Variants in RGS6 observed in about 807,000 individuals in gnomAD.
RGS6 encodes the protein regulator of G-protein signaling 6.
RGS6 carries 30 observed loss-of-function variants against 78.5 expected under a neutral mutation model. The observed-to-expected ratio is 0.38, with a 90% CI of 0.29 to 0.52. The LOEUF is 0.52. Ranked by LOEUF, RGS6 falls within the 20% of genes least tolerant of loss-of-function variation. The pLI is 0.85. For synonymous variants in RGS6, 206 were observed against 206.0 expected, an observed-to-expected ratio of 1.00 and a Z score of 0.00; for missense variants, 495 against 609.7, an observed-to-expected ratio of 0.81 and a Z score of 1.98.
At chr14:71,963,019 G>A (rs117877200) in intron 1 of RGS6, among the ~76,000 whole-genome samples, 1 of 152,298 alleles carries the variant, frequency 6.6e-6, no homozygotes, top group East Asian at 1.9e-4. Context: ...CATTTGTATA[G>A]GACTTTTATG....
At chr14:72,327,318 C>T (rs1401785907) in intron 2 of RGS6, among the ~76,000 whole-genome samples, 2 of 152,136 alleles carry the variant, frequency 1.3e-5, no homozygotes, top group African/African-American at 2.4e-5. Flanking sequence ...ACTCCCCCAT[C>T]CCAGGGTGTG....
At chr14:72,413,956 T>A (rs567930969) in intron 3 of RGS6, among the ~76,000 whole-genome samples, 1 of 152,350 alleles carries the variant, frequency 6.6e-6, no homozygotes, top group South Asian at 2.1e-4. Flanking sequence ...TCTGATGGGC[T>A]TTCCTTTGTG....
the RGS6 span, among the ~76,000 whole-genome samples, chr14:71,900,943 C>A: frequency 1.3e-5 from 2 of 152,062 alleles, no homozygotes; most frequent in African/African-American, 2.4e-5. Flanking sequence ...AGATCCTAGA[C>A]TCTTAACAAC....
chr14:72,568,125 C>T (rs1334631709), downstream of RGS6, among the ~76,000 whole-genome samples: 2 of 152,184 alleles, frequency 1.3e-5, no homozygotes, highest in Non-Finnish European at 2.9e-5. Context: ...CCTCAGAGCC[C>T]TGAGGTGTCT....
chr14:72,043,993 C>T (rs1017665399), intron 2 of RGS6, among the ~76,000 whole-genome samples: 8 of 152,248 alleles, frequency 5.3e-5, no homozygotes, highest in African/African-American at 1.7e-4. Flanking sequence ...GCCCACCTCC[C>T]ACTCTGTTTT....
At chr14:72,311,008 C>T (rs1353521963) in intron 2 of RGS6, among the ~76,000 whole-genome samples, 7 of 152,324 alleles carry the variant, frequency 4.6e-5, no homozygotes, top group Admixed American at 1.3e-4. Flanking sequence ...GTGTTCCAGC[C>T]ACCTGGCAAC....
At chr14:72,592,161 C>T in the RGS6 span, among the ~76,000 whole-genome samples, 1 of 152,090 alleles carries the variant, frequency 6.6e-6, no homozygotes, top group Non-Finnish European at 1.5e-5. Flanking sequence ...AAAGAGCACC[C>T]TGAGATCCTC....
chr14:72,328,389 T>G (rs776597674), intron 2 of RGS6, among the ~76,000 whole-genome samples: 1 of 152,160 alleles, frequency 6.6e-6, no homozygotes, highest in Non-Finnish European at 1.5e-5. Flanking sequence ...CAGTACATAA[T>G]AAGCACTCAA....
chr14:72,284,627 A>G (rs1365045763), intron 2 of RGS6, among the ~76,000 whole-genome samples: 3 of 152,232 alleles, frequency 2.0e-5, no homozygotes, highest in African/African-American at 7.2e-5. Flanking sequence ...ACCCTTTGCT[A>G]GGGCAGTGCA....
chr14:72,535,518 G>T (rs1367184620), intron 15 of RGS6, among the ~76,000 whole-genome samples: 1 of 152,174 alleles, frequency 6.6e-6, no homozygotes, highest in Non-Finnish European at 1.5e-5. Context: ...CCATGATACT[G>T]ACATGGCTAC....
intron 17 of RGS6, chr14:72,550,663 G>A: frequency 6.7e-7 from 1 of 1,483,368 alleles, no homozygotes; most frequent in Non-Finnish European, 8.9e-7. Context: ...ATAATTAAAG[G>A]AGTCAATCAA....
chr14:72,211,266 G>T (rs926711161), intron 2 of RGS6, among the ~76,000 whole-genome samples: 2 of 152,156 alleles, frequency 1.3e-5, no homozygotes, highest in Non-Finnish European at 2.9e-5. Context: ...AGGAAGACGA[G>T]GTCAACAGTG....
At chr14:71,917,573 C>T in the RGS6 span, among the ~76,000 whole-genome samples, 1 of 152,178 alleles carries the variant, frequency 6.6e-6, no homozygotes, top group South Asian at 2.1e-4. Flanking sequence ...GAAGTCACAG[C>T]TTAGGCTGCA....
chr14:72,540,083 A>G lies in RGS6; in HGVS notation c.1411A>G (p.Thr471Ala). 1 of 1,583,956 alleles carries G rather than the reference A, an allele frequency of 6.3e-7. No homozygotes were observed. Among genetic ancestry groups the G allele is most frequent in the Non-Finnish European group, 8.5e-7 (1 of 1,176,236 alleles). Reference sequence around the variant, plus strand: ...TCGTAGAACTTCCCTAGAAAAGTTCACTCGCAGTGTGGTAAGTTCAGTCGG... The same window carrying G: ...TCGTAGAACTTCCCTAGAAAAGTTCGCTCGCAGTGTGGTAAGTTCAGTCGG... ...QGRRTSLEKF[T>A]RSVGKSLAGK... The change falls in exon 17 of 18, where the codon ACT (threonine) becomes GCT (alanine). Residue 471 changes from threonine to alanine, a missense_variant. Transcript: ENST00000553525.
the RGS6 span, among the ~76,000 whole-genome samples, chr14:71,896,116 A>T: frequency 4.6e-5 from 7 of 152,120 alleles, no homozygotes; most frequent in African/African-American, 1.7e-4. Flanking sequence ...ATTTTCTAGA[A>T]AGTGTTACAG....
At chr14:72,431,250 C>CAGTGAATTGTGTAAAAATT (rs1382303593) in intron 3 of RGS6, among the ~76,000 whole-genome samples, 8 of 152,150 alleles carry the variant, frequency 5.3e-5, no homozygotes, top group African/African-American at 1.9e-4. Context: ...TCCAAAATCA[C>CAGTGAATTGTGTAAAAATT]CCTGGGGAAT....
At chr14:71,942,954 G>GA (rs1009531351) in intron 1 of RGS6, among the ~76,000 whole-genome samples, 60 of 152,198 alleles carry the variant, frequency 3.9e-4, no homozygotes, top group African/African-American at 1.3e-3. Flanking sequence ...CTATCAAAGA[G>GA]AAAGCCACCT....
intron 2 of RGS6, among the ~76,000 whole-genome samples, chr14:72,334,396 G>A (rs927621127): frequency 3.3e-5 from 5 of 152,214 alleles, no homozygotes; most frequent in African/African-American, 1.2e-4. Flanking sequence ...GGGGTGGGGA[G>A]GTTAAGCCCA....
At position 72,562,558 on chromosome 14, in the gene RGS6, G is replaced by A. The variant is rs1028207209; in HGVS notation, c.*91G>A. ...TCTGCGGACAGAGTTTCCTTACGAG[G>A]AGACTTGGTCACTGTGAAGGAGAAA... is the stretch of plus-strand genomic sequence containing the variant. On this transcript the variant is annotated 3_prime_UTR_variant, in exon 18 of 18. Coordinates refer to ENST00000553525, the MANE Select transcript of RGS6 (RefSeq NM_001204424.2). 1.9e-6 allele frequency: 3 copies of A among 1,580,150 alleles called. No individual in the cohort carries two copies. Among genetic ancestry groups the A allele is most frequent in the Non-Finnish European group, 2.6e-6 (3 of 1,169,586 alleles).
Sources: allele counts gnomAD v4.1 joint callset (sites outside exome capture counted in the v4.1 genomes callset), GRCh38; gene constraint gnomAD v4.1.1; transcripts MANE v1.5; gene names NCBI Gene and HGNC (gene_info 2026-07-23, HGNC 2026-07-21).